Variants in ZMIZ1 observed in about 807,000 individuals in gnomAD.
ZMIZ1 encodes the protein zinc finger MIZ-type containing 1, also known as zinc finger MIZ domain-containing protein 1.
A neutral mutation model predicts 113.9 loss-of-function variants in ZMIZ1; 17 were observed. The ratio of observed to expected loss-of-function variants is 0.15; its 90% CI spans 0.10 to 0.22. ZMIZ1 has a LOEUF of 0.22. ZMIZ1 is among the 10% of genes least tolerant of loss of function. ZMIZ1 has a pLI of 1.00. For missense variants in ZMIZ1, 1,059 were observed against 1,477.8 expected, an observed-to-expected ratio of 0.72 and a Z score of 4.65; for synonymous variants, 607 against 603.1, an observed-to-expected ratio of 1.01 and a Z score of -0.09.
chr10:79,102,937 G>A (rs1365345695), intron 1 of ZMIZ1, among the ~76,000 whole-genome samples: 2 of 152,258 alleles, frequency 1.3e-5, no homozygotes, highest in African/African-American at 4.8e-5. Flanking sequence ...CAGGAAACCA[G>A]CTTGAGGAGG....
intron 7 of ZMIZ1, among the ~76,000 whole-genome samples, chr10:79,220,535 G>A (rs2132729640): frequency 6.6e-6 from 1 of 152,284 alleles, no homozygotes; most frequent in Middle Eastern, 3.4e-3. Flanking sequence ...AGCCCCTTCA[G>A]CCAGTCTGGG....
At chr10:79,262,064 T>TTC (rs1851303639) in intron 7 of ZMIZ1, among the ~76,000 whole-genome samples, 1 of 152,208 alleles carries the variant, frequency 6.6e-6, no homozygotes, top group African/African-American at 2.4e-5. Flanking sequence ...AAGCACATGC[T>TTC]TCTGCTGGCC....
chr10:79,256,236 T>G (rs1195346832), intron 7 of ZMIZ1, among the ~76,000 whole-genome samples: 2 of 152,218 alleles, frequency 1.3e-5, no homozygotes, highest in East Asian at 3.9e-4. Flanking sequence ...GTGAATCTGA[T>G]GGAGGGAATT....
chr10:79,299,281 G>C (rs978836080), intron 16 of ZMIZ1, 90 bp downstream of exon 16: 3 of 1,499,836 alleles, frequency 2.0e-6, no homozygotes, highest in East Asian at 2.3e-5. Flanking sequence ...CCCTGGGCAG[G>C]GGGTAGCAGC....
chr10:79,079,440 C>T (rs1028585567), intron 1 of ZMIZ1, among the ~76,000 whole-genome samples: 1 of 152,266 alleles, frequency 6.6e-6, no homozygotes, highest in African/African-American at 2.4e-5. Context: ...TAGTCCCTGG[C>T]CGTTGAATGG....
In ZMIZ1 at chr10:79,124,605, C is replaced by T. The variant is rs1564665116; in HGVS notation, c.-227+5581C>T. 2.0e-5 allele frequency among the ~76,000 whole-genome samples: 3 copies of T among 152,198 alleles called. No homozygotes were observed. In the South Asian group the frequency reaches 6.2e-4, roughly 32 times the overall value. ...CAGTTGAGCTGGGAGAGCACAGCTC[C>T]AGGTCCGGAGTTCTGAGTAGAGGTC... On this transcript the variant is annotated intron_variant, in intron 2 of 24. Coordinates refer to ENST00000334512, the MANE Select transcript of ZMIZ1 (RefSeq NM_020338.4).
intron 8 of ZMIZ1, among the ~76,000 whole-genome samples, chr10:79,289,092 G>A (rs1853291630): frequency 6.6e-6 from 1 of 152,154 alleles, no homozygotes; most frequent in Non-Finnish European, 1.5e-5. Flanking sequence ...ATAAATGCTG[G>A]AAGCCACCAA....
intron 3 of ZMIZ1, among the ~76,000 whole-genome samples, chr10:79,160,227 GA>G (rs1336455591): frequency 1.3e-5 from 2 of 152,200 alleles, no homozygotes; most frequent in Non-Finnish European, 2.9e-5. Flanking sequence ...TGGGGTCAGT[GA>G]ACCCCAAAAC....
At chr10:79,285,708 T>C in intron 8 of ZMIZ1, 2 of 394,086 alleles carry the variant, frequency 5.1e-6, no homozygotes, top group Non-Finnish European at 1.0e-5. Flanking sequence ...GAAGACATCA[T>C]GCTTGGCTCA....
At chr10:79,076,236 G>A (rs1474079440) in intron 1 of ZMIZ1, among the ~76,000 whole-genome samples, 3 of 152,154 alleles carry the variant, frequency 2.0e-5, no homozygotes, top group Non-Finnish European at 4.4e-5. Flanking sequence ...CCCCATCTCC[G>A]CCAGTCCATT....
At chr10:79,083,953 G>A (rs1410686633) in intron 1 of ZMIZ1, among the ~76,000 whole-genome samples, 1 of 152,094 alleles carries the variant, frequency 6.6e-6, no homozygotes, top group Non-Finnish European at 1.5e-5. Context: ...GGGTCTTCCT[G>A]ATACCCTTGT....
intron 4 of ZMIZ1, among the ~76,000 whole-genome samples, chr10:79,165,604 C>T (rs1846294010): frequency 1.3e-5 from 2 of 150,150 alleles, no homozygotes; most frequent in Non-Finnish European, 3.0e-5. Flanking sequence ...CAGGTGCACA[C>T]TGGCTCCACA....
chr10:79,192,734 G>A (rs1847657254), intron 4 of ZMIZ1, among the ~76,000 whole-genome samples: 1 of 152,198 alleles, frequency 6.6e-6, no homozygotes, highest in South Asian at 2.1e-4. Flanking sequence ...TGACAGATGA[G>A]GATGCAGGCT....
At chr10:79,191,274 G>A (rs1387612405) in intron 4 of ZMIZ1, among the ~76,000 whole-genome samples, 1 of 152,102 alleles carries the variant, frequency 6.6e-6, no homozygotes, top group Non-Finnish European at 1.5e-5. Context: ...GGAGCTGGGG[G>A]TAGGGAGGGG....
intron 1 of ZMIZ1, among the ~76,000 whole-genome samples, chr10:79,108,173 A>C (rs1006806388): frequency 5.9e-5 from 9 of 152,040 alleles, no homozygotes; most frequent in Non-Finnish European, 1.3e-4. Context: ...TTGTATTATT[A>C]ATAGTCATAA....
intron 3 of ZMIZ1, among the ~76,000 whole-genome samples, chr10:79,157,552 C>G (rs1044147479): frequency 3.9e-5 from 6 of 152,064 alleles, no homozygotes; most frequent in African/African-American, 1.2e-4. Flanking sequence ...GCTCAATGTC[C>G]AGAGCACCCT....
intron 8 of ZMIZ1, among the ~76,000 whole-genome samples, chr10:79,285,300 A>T (rs1852995868): frequency 6.6e-6 from 1 of 152,226 alleles, no homozygotes; most frequent in Non-Finnish European, 1.5e-5. Context: ...TCTAGAAGTC[A>T]CTCAGTAAAT....
chr10:79,221,570 G>T (rs1589442145), intron 7 of ZMIZ1, among the ~76,000 whole-genome samples: 1 of 146,404 alleles, frequency 6.8e-6, no homozygotes, highest in South Asian at 2.2e-4. Context: ...ATGCCAGCCC[G>T]AGGGGACTTG....
intron 7 of ZMIZ1, among the ~76,000 whole-genome samples, chr10:79,224,265 G>A (rs377693053): frequency 1.3e-5 from 2 of 152,310 alleles, no homozygotes; most frequent in African/African-American, 4.8e-5. Context: ...GCCGGAGGGT[G>A]ACTCTTTTCT....
Sources: gnomAD v4.1 joint callset for allele counts (sites outside exome capture counted in the v4.1 genomes callset) on GRCh38, gnomAD v4.1.1 for gene constraint, MANE v1.5 for transcripts, NCBI Gene and HGNC (gene_info 2026-07-23, HGNC 2026-07-21) for gene names.